The following CAPN9 variants were observed in gnomAD, a reference collection of about 807,000 sequenced individuals.
CAPN9 encodes the protein calpain-9.
In CAPN9, 81 loss-of-function variants were observed where a neutral mutation model predicts 92.8. The observed-to-expected ratio is 0.87, with a 90% confidence interval of 0.73 to 1.05. The LOEUF (loss-of-function observed/expected upper bound fraction) is 1.05. Among genes scored for constraint, CAPN9 ranks in the 50% least tolerant of loss-of-function variants. CAPN9 has a pLI of 0.00. For missense variants in CAPN9, 848 were observed against 866.2 expected (o/e 0.98, Z 0.26); for synonymous variants, 304 against 328.0 (o/e 0.93, Z 0.79).
At position 230,747,675 on chromosome 1, in the gene CAPN9, G is replaced by A; in HGVS notation, c.179G>A (p.Arg60Lys). Residue 60 changes from arginine (R) to lysine (K), a missense_variant, in exon 1 of 20, where the codon AGG becomes AAG. Arg to Lys is a conservative substitution (Grantham distance 26). Transcript: ENST00000271971. Reference protein sequence around the residue: ...ASNSSLFYSERPQIPFVWKRP... With the variant: ...ASNSSLFYSEKPQIPFVWKRP... The stretch of plus-strand genomic sequence containing the variant: ...AATTCCTCCCTGTTCTACAGTGAGA[G>A]GCCGCAGATCCCCTTTGTGTGGAAA... 2 of 1,614,186 alleles carry A rather than the reference G, an allele frequency of 1.2e-6. No homozygotes were observed. The highest frequency in any genetic ancestry group is 1.7e-6 in the Non-Finnish European group (2 of 1,180,028).
chr1:230,757,200 C>A (rs75991123), intron 2 of CAPN9, among the ~76,000 whole-genome samples: 9,229 of 152,086 alleles, frequency 0.061, 335 homozygotes, highest in South Asian at 0.14. Flanking sequence ...GTCCTGGAAC[C>A]AATCCCCCAT....
rs1281909134 is a variant in CAPN9, at chr1:230,756,512, CATGG to C, written c.283+1115_283+1118del. Reference sequence around the variant, plus strand: ...TGATAGGAAGGTAGGTGGGTAAATACATGGATGGATGGGTATAGATAGATGATGG... The same window carrying C: ...TGATAGGAAGGTAGGTGGGTAAATACATGGATGGGTATAGATAGATGATGG... On this transcript the variant is annotated intron_variant, in intron 2 of 19. Coordinates refer to ENST00000271971, the MANE Select transcript of CAPN9 (RefSeq NM_006615.3). Among the ~76,000 whole-genome samples, 17 of 152,094 alleles carry C rather than the reference CATGG, an allele frequency of 1.1e-4. No individual in the cohort carries two copies. In the South Asian group the frequency reaches 1.2e-3, roughly 11 times the overall value.
At chr1:230,780,082 G>GTGTC (rs1667102336) in intron 9 of CAPN9, 97 bp from the exon 10 acceptor site, 1 of 10,926 alleles carries the variant, frequency 9.2e-5, no homozygotes, top group South Asian at 2.7e-3. Context: ...GTGTATGTGC[G>GTGTC]TGTGTGTGTG....
chr1:230,773,778 C>G (rs761190950), intron 7 of CAPN9, among the ~76,000 whole-genome samples: 2 of 152,316 alleles, frequency 1.3e-5, no homozygotes, highest in Non-Finnish European at 2.9e-5. Flanking sequence ...CCTTGGATCA[C>G]CTGAGCACTC....
At chr1:230,793,973 A>G (rs1668176469) in intron 17 of CAPN9, among the ~76,000 whole-genome samples, 1 of 152,012 alleles carries the variant, frequency 6.6e-6, no homozygotes, top group Admixed American at 6.5e-5. Context: ...AGCCCCAAAC[A>G]TCAGGATTCT....
At chr1:230,779,682 T>G (rs1667072918) in intron 9 of CAPN9, among the ~76,000 whole-genome samples, 2 of 152,182 alleles carry the variant, frequency 1.3e-5, no homozygotes, top group African/African-American at 4.8e-5. Flanking sequence ...CAGTGAATGC[T>G]ATGCATTGAT....
At chr1:230,779,159 C>G in intron 9 of CAPN9, 26 bp downstream of exon 9, 1 of 1,609,182 alleles carries the variant, frequency 6.2e-7, no homozygotes. Flanking sequence ...GTCACTCTCT[C>G]TGCCACTCCC....
At position 230,801,955 on chromosome 1, in the gene CAPN9, G is replaced by A. The variant is rs1250883528; in HGVS notation, c.*359G>A. The A allele has an allele frequency of 1.4e-5, 4 of 291,294 alleles. No individual in the cohort carries two copies. Among genetic ancestry groups the A allele is most frequent in the Admixed American group, 4.5e-5 (1 of 22,256 alleles). The allele number at this position is 291,294 out of a possible 1,614,324, so 18.0% of individuals were successfully genotyped here. On this transcript the variant is annotated 3_prime_UTR_variant, in exon 20 of 20. Coordinates refer to ENST00000271971, the MANE Select transcript of CAPN9 (RefSeq NM_006615.3). The stretch of plus-strand genomic sequence containing the variant: ...ACTTCCATGTAGCTCCAGTCATTGT[G>A]ATCAGACATCCTTTATAAAACATGT...
chr1:230,782,178 A>G (rs1299931839), intron 11 of CAPN9, among the ~76,000 whole-genome samples: 1 of 152,188 alleles, frequency 6.6e-6, no homozygotes, highest in East Asian at 1.9e-4. Context: ...GTACATGGCA[A>G]AAAACTCCAT....
Position 230,795,212 on chromosome 1 carries a change from G to C in CAPN9, c.1920G>C (p.Ala640=), listed in dbSNP as rs757531674. The change falls in exon 18 of 20, where the codon GCG becomes GCC. Residue 640 remains alanine, a synonymous_variant. Coordinates refer to ENST00000271971, the MANE Select transcript of CAPN9 (RefSeq NM_006615.3). ...HLLQLIVLRY[A]DEELQLDFDD... is the part of the protein sequence containing the mutation. ...TGCAGCTGATTGTGCTCAGGTATGC[G>C]GATGAGGAGCTCCAGCTGGACTTCG... 5.6e-6 allele frequency: 9 copies of C among 1,613,576 alleles called. No individual in the cohort carries two copies. Among genetic ancestry groups the C allele is most frequent in the Non-Finnish European group, 7.6e-6 (9 of 1,179,814 alleles).
intron 7 of CAPN9, among the ~76,000 whole-genome samples, chr1:230,773,883 C>A (rs28359666): frequency 2.0e-5 from 3 of 151,992 alleles, no homozygotes; most frequent in Non-Finnish European, 1.5e-5. Context: ...TATTTGGAGG[C>A]GGCTGTGGGA....
intron 3 of CAPN9, 96 bp downstream of exon 3, chr1:230,759,726 G>A (rs1572022306): frequency 9.3e-6 from 7 of 752,744 alleles, no homozygotes; most frequent in Non-Finnish European, 1.5e-5. Context: ...AGAAAAAAAT[G>A]TCATCAGATC....
At chr1:230,786,857 CTA>C (rs1667627118) in intron 12 of CAPN9, among the ~76,000 whole-genome samples, 2 of 152,098 alleles carry the variant, frequency 1.3e-5, no homozygotes, top group Admixed American at 6.5e-5. Flanking sequence ...TACATCTCCC[CTA>C]TGTTATGTGG....
At chr1:230,771,106 T>G (rs1666361940) in intron 6 of CAPN9, among the ~76,000 whole-genome samples, 1 of 152,204 alleles carries the variant, frequency 6.6e-6, no homozygotes, top group Non-Finnish European at 1.5e-5. Flanking sequence ...TTGGTTTGCT[T>G]GATTTTGCTT....
intron 10 of CAPN9, 38 bp downstream of exon 10, chr1:230,780,374 C>T (rs774380732): frequency 3.1e-5 from 50 of 1,608,564 alleles, no homozygotes; most frequent in Non-Finnish European, 4.2e-5. Context: ...AGTTCTCCAT[C>T]TGAGTTCTAA....
chr1:230,759,722 A>C, intron 3 of CAPN9, 92 bp downstream of exon 3: 1 of 770,696 alleles, frequency 1.3e-6, no homozygotes, highest in Non-Finnish European at 2.1e-6. Context: ...CCCTAGAAAA[A>C]AATGTCATCA....
intron 1 of CAPN9, among the ~76,000 whole-genome samples, chr1:230,748,235 G>A (rs553502095): frequency 6.6e-6 from 1 of 152,278 alleles, no homozygotes; most frequent in South Asian, 2.1e-4. Flanking sequence ...CAGAGATCAG[G>A]GTGAACAGTG....
chr1:230,787,949 G>T (rs1007680204), intron 13 of CAPN9, among the ~76,000 whole-genome samples: 8 of 152,118 alleles, frequency 5.3e-5, no homozygotes, highest in Non-Finnish European at 1.2e-4. Context: ...TCAAACTCAT[G>T]GGCTCAAGAG....
At chr1:230,798,057 C>T (rs1245092829) in intron 18 of CAPN9, 105 bp from the exon 19 acceptor site, 2 of 780,568 alleles carry the variant, frequency 2.6e-6, no homozygotes, top group Non-Finnish European at 4.4e-6. Flanking sequence ...CCAGATGGAG[C>T]AGCTTCCCCA....
Sources: gnomAD v4.1 joint callset for allele counts (sites outside exome capture counted in the v4.1 genomes callset) on GRCh38, gnomAD v4.1.1 for gene constraint, MANE v1.5 for transcripts, NCBI Gene and HGNC (gene_info 2026-07-23, HGNC 2026-07-21) for gene names.